The following AKAP19 variants were observed in gnomAD, a reference collection of about 807,000 sequenced individuals.
AKAP19 encodes A-kinase anchoring protein 19, also known as small A-kinase anchoring protein.
chr2:190,006,934 C>G, the AKAP19 span, among the ~76,000 whole-genome samples: 1 of 151,386 alleles, frequency 6.6e-6, no homozygotes, highest in African/African-American at 2.4e-5. Flanking sequence ...GCAGGAGAAT[C>G]GCTTGAACTG....
At chr2:190,177,310 G>T in the AKAP19 span, among the ~76,000 whole-genome samples, 2 of 152,118 alleles carry the variant, frequency 1.3e-5, no homozygotes, top group East Asian at 3.8e-4. The surrounding 1 kb of genome is among the most constrained non-coding windows in gnomAD (Gnocchi z 4.6). Flanking sequence ...TGTGATTTGC[G>T]TTACCTCTCT....
the AKAP19 span, among the ~76,000 whole-genome samples, chr2:190,031,448 T>C: frequency 6.6e-6 from 1 of 152,344 alleles, no homozygotes; most frequent in Middle Eastern, 3.4e-3. Context: ...AAAGCAATAA[T>C]GAAAACCATT....
chr2:189,993,765 TCTC>T, the AKAP19 span, among the ~76,000 whole-genome samples: 5 of 152,308 alleles, frequency 3.3e-5, no homozygotes, highest in South Asian at 6.2e-4. Flanking sequence ...AATTTATACA[TCTC>T]CTCCAGATTT....
chr2:190,007,064 G>T, the AKAP19 span, among the ~76,000 whole-genome samples: 1 of 152,152 alleles, frequency 6.6e-6, no homozygotes, highest in Non-Finnish European at 1.5e-5. Context: ...CTCTGAGCTA[G>T]GTCTTACTAT....
the AKAP19 span, among the ~76,000 whole-genome samples, chr2:190,155,239 T>A: frequency 6.6e-6 from 1 of 152,136 alleles, no homozygotes; most frequent in African/African-American, 2.4e-5. Flanking sequence ...TCTAAGCTGA[T>A]AGAACCACAG....
chr2:190,013,241 G>A, the AKAP19 span, among the ~76,000 whole-genome samples: 1 of 152,036 alleles, frequency 6.6e-6, no homozygotes, highest in African/African-American at 2.4e-5. Context: ...ATTGGGTATT[G>A]GATGTTTCTT....
At chr2:190,170,929 GCAATGTCT>G in the AKAP19 span, among the ~76,000 whole-genome samples, 1 of 152,154 alleles carries the variant, frequency 6.6e-6, no homozygotes, top group Non-Finnish European at 1.5e-5. Context: ...AGATAAAGTA[GCAATGTCT>G]CAAGAATTGA....
chr2:189,941,200 C>T, the AKAP19 span, among the ~76,000 whole-genome samples: 6,251 of 152,160 alleles, frequency 0.041, 410 homozygotes, highest in African/African-American at 0.14. Context: ...AGTAAATTCA[C>T]CACCATCAGA....
the AKAP19 span, chr2:189,924,266 G>C: frequency 4.1e-6 from 5 of 1,233,532 alleles, no homozygotes; most frequent in African/African-American, 1.5e-5. Flanking sequence ...TTACCTAGGC[G>C]CTTGTCTAAG....
At chr2:190,166,542 A>G in the AKAP19 span, among the ~76,000 whole-genome samples, 1 of 152,040 alleles carries the variant, frequency 6.6e-6, no homozygotes, top group African/African-American at 2.4e-5. Flanking sequence ...ACATGTGCAA[A>G]CCAAATCCTG....
chr2:190,045,208 G>C, the AKAP19 span, among the ~76,000 whole-genome samples: 1 of 152,190 alleles, frequency 6.6e-6, no homozygotes, highest in Non-Finnish European at 1.5e-5. Flanking sequence ...AATGGGATCT[G>C]GACCCGCTTA....
the AKAP19 span, among the ~76,000 whole-genome samples, chr2:190,101,984 A>G: frequency 6.6e-6 from 1 of 152,218 alleles, no homozygotes; most frequent in Non-Finnish European, 1.5e-5. Context: ...TTAAAAATGG[A>G]AATAATACCA....
At chr2:189,943,626 A>G in the AKAP19 span, among the ~76,000 whole-genome samples, 1 of 152,194 alleles carries the variant, frequency 6.6e-6, no homozygotes, top group Admixed American at 6.5e-5. Context: ...TGGTAAATCC[A>G]CCAGCAGCTT....
the AKAP19 span, among the ~76,000 whole-genome samples, chr2:189,937,210 C>T: frequency 6.6e-6 from 1 of 152,020 alleles, no homozygotes; most frequent in Non-Finnish European, 1.5e-5. Flanking sequence ...TATATGGAGA[C>T]AGGAGTGAAG....
chr2:190,099,281 A>T, the AKAP19 span, among the ~76,000 whole-genome samples: 1 of 152,104 alleles, frequency 6.6e-6, no homozygotes, highest in African/African-American at 2.4e-5. Flanking sequence ...GTCACATGTG[A>T]CTGTTCCTTT....
the AKAP19 span, among the ~76,000 whole-genome samples, chr2:189,909,454 T>C: frequency 6.6e-6 from 1 of 152,058 alleles, no homozygotes; most frequent in South Asian, 2.1e-4. Flanking sequence ...CTATCTTCCT[T>C]GGTGATTTGT....
At chr2:189,939,040 A>G in the AKAP19 span, among the ~76,000 whole-genome samples, 4 of 152,184 alleles carry the variant, frequency 2.6e-5, no homozygotes, top group African/African-American at 7.2e-5. Flanking sequence ...GGTTCCTGAC[A>G]GGAGACCTGT....
chr2:190,034,119 A>G, the AKAP19 span, among the ~76,000 whole-genome samples: 1 of 946 alleles, frequency 1.1e-3, no homozygotes, highest in Non-Finnish European at 4.5e-3. Flanking sequence ...TTATAAAGTC[A>G]AAAAAAAAGA....
the AKAP19 span, among the ~76,000 whole-genome samples, chr2:190,051,529 G>A: frequency 1.3e-5 from 2 of 152,150 alleles, no homozygotes; most frequent in Admixed American, 1.3e-4. Context: ...GACTTCTGCT[G>A]GCCCTGCAGT....
Sources: allele counts gnomAD v4.1 joint callset (sites outside exome capture counted in the v4.1 genomes callset), GRCh38; gene constraint gnomAD v4.1.1; non-coding constraint Gnocchi (gnomAD v3.1); transcripts MANE v1.5; gene names NCBI Gene and HGNC (gene_info 2026-07-23, HGNC 2026-07-21).